DOCK1: variants seen among roughly 807,000 people sequenced by gnomAD.
The protein encoded by DOCK1 is dedicator of cytokinesis protein 1.
In DOCK1, 138 loss-of-function variants were observed where a neutral mutation model predicts 262.7. The ratio of observed to expected loss-of-function variants is 0.53; its 90% CI spans 0.46 to 0.61. DOCK1 has a LOEUF of 0.61. DOCK1 is among the 20% of genes least tolerant of loss of function. The pLI is 0.00. For synonymous variants in DOCK1, 866 were observed against 867.4 expected (o/e 1.00, Z 0.03); for missense variants, 1,908 against 2,370.7 (o/e 0.80, Z 4.05).
intron 1 of DOCK1, among the ~76,000 whole-genome samples, chr10:126,944,870 T>C (rs1224875801): frequency 6.6e-6 from 1 of 152,040 alleles, no homozygotes; most frequent in South Asian, 2.1e-4. Flanking sequence ...ACTGATCCTC[T>C]CTCTGTCACC....
intron 27 of DOCK1, among the ~76,000 whole-genome samples, chr10:127,191,674 CT>C (rs2056767113): frequency 1.3e-5 from 2 of 152,138 alleles, no homozygotes; most frequent in African/African-American, 4.8e-5. Flanking sequence ...GTGGAATGAC[CT>C]AGAAACACAA....
chr10:127,291,486 T>C (rs2061343043), intron 29 of DOCK1, among the ~76,000 whole-genome samples: 2 of 152,196 alleles, frequency 1.3e-5, no homozygotes, highest in South Asian at 2.1e-4. Context: ...GTTCTGTCCC[T>C]GGTGGCCAGT....
chr10:126,926,205 G>A (rs1428094851), intron 1 of DOCK1, among the ~76,000 whole-genome samples: 1 of 151,916 alleles, frequency 6.6e-6, no homozygotes, highest in East Asian at 1.9e-4. Context: ...AAATTGATCC[G>A]GTGACAGAGC....
intron 45 of DOCK1, 27 bp downstream of exon 45, chr10:127,418,568 G>A (rs201806905): frequency 3.1e-6 from 5 of 1,603,324 alleles, no homozygotes; most frequent in East Asian, 4.5e-5. Context: ...CTTGCTCTGG[G>A]CAAGCAGTCC....
At chr10:127,302,178 C>T (rs1213431427) in intron 29 of DOCK1, among the ~76,000 whole-genome samples, 1 of 151,962 alleles carries the variant, frequency 6.6e-6, no homozygotes, top group African/African-American at 2.4e-5. Context: ...AAATTCAAGT[C>T]AGGTTTGGCC....
intron 1 of DOCK1, among the ~76,000 whole-genome samples, chr10:126,945,247 T>C (rs886257082): frequency 6.6e-6 from 1 of 152,004 alleles, no homozygotes; most frequent in Admixed American, 6.6e-5. Context: ...TTCAGGGTCT[T>C]ACTGGAGGAG....
chr10:127,144,253 A>G (rs887160264), intron 27 of DOCK1, among the ~76,000 whole-genome samples: 1 of 152,016 alleles, frequency 6.6e-6, no homozygotes, highest in African/African-American at 2.4e-5. Flanking sequence ...CCTAGGTCAC[A>G]CGTCACTCCT....
chr10:127,027,384 C>T (rs911760051), intron 16 of DOCK1, among the ~76,000 whole-genome samples: 17 of 152,098 alleles, frequency 1.1e-4, no homozygotes, highest in East Asian at 7.7e-4. Flanking sequence ...GCTTGAGCCC[C>T]GGAGTTTGAG....
At chr10:127,399,152 G>A (rs931132429) in intron 38 of DOCK1, among the ~76,000 whole-genome samples, 3 of 152,186 alleles carry the variant, frequency 2.0e-5, no homozygotes, top group Admixed American at 1.3e-4. Flanking sequence ...TTTCAAGAAT[G>A]CCGTAAATTG....
intron 10 of DOCK1, among the ~76,000 whole-genome samples, chr10:127,005,770 G>A (rs908309786): frequency 1.3e-5 from 2 of 152,138 alleles, no homozygotes; most frequent in Admixed American, 6.5e-5. Flanking sequence ...TGTGGCATAT[G>A]ATTTTTAAAT....
At chr10:127,351,313 G>A (rs1235009801) in intron 31 of DOCK1, among the ~76,000 whole-genome samples, 3 of 152,162 alleles carry the variant, frequency 2.0e-5, no homozygotes, top group African/African-American at 7.2e-5. Context: ...ATCCTGGCTC[G>A]GTGGAGTCGG....
chr10:127,390,677 C>T (rs12263845), intron 38 of DOCK1, among the ~76,000 whole-genome samples: 46,323 of 151,940 alleles, frequency 0.3, 7,468 homozygotes, highest in Admixed American at 0.46. Context: ...GCCTCCAGAA[C>T]AGTGAGGAAG....
chr10:127,150,951 T>C (rs1265415214), intron 27 of DOCK1, among the ~76,000 whole-genome samples: 2 of 152,204 alleles, frequency 1.3e-5, no homozygotes, highest in South Asian at 4.1e-4. Flanking sequence ...AAGGCTGCCC[T>C]AACTTGAAAT....
chr10:127,097,930 T>C lies in DOCK1; in HGVS notation c.2446-8301T>C, dbSNP rs141925999. On this transcript the variant is annotated intron_variant, in intron 23 of 51. Coordinates refer to ENST00000623213, the MANE Select transcript of DOCK1 (RefSeq NM_001290223.2). ...TTTCATGGTCCATGGTTCATACCTC[T>C]GGGGTTGGGGAGCATAAGTGGGCCT... Among the ~76,000 whole-genome samples, 228 of 152,348 alleles carry C rather than the reference T, an allele frequency of 1.5e-3. 1 individual carries two copies. The highest frequency in any genetic ancestry group is 5.3e-3 in the African/African-American group (222 of 41,592).
At chr10:127,076,263 A>T (rs1164120911) in intron 23 of DOCK1, among the ~76,000 whole-genome samples, 2 of 152,212 alleles carry the variant, frequency 1.3e-5, no homozygotes, top group Non-Finnish European at 2.9e-5. Context: ...GCACTTTGGG[A>T]GGCCGAGGTG....
rs537429575 is a variant in DOCK1, at chr10:127,009,502, C to T, written c.1058+698C>T. ...GATGGTCGTTGGCCACTTAAGCACT[C>T]CTACTCCTCACAGAGGAGGAGAGAA... On this transcript the variant is annotated intron_variant, in intron 11 of 51. Transcript: ENST00000623213. Among the ~76,000 whole-genome samples, 5 of 152,098 alleles carry T rather than the reference C, an allele frequency of 3.3e-5. No individual in the cohort carries two copies. The East Asian group carries it at 9.7e-4, about 30-fold the overall frequency.
chr10:127,176,337 G>C lies in DOCK1; in HGVS notation c.2847+48573G>C, dbSNP rs755543710. On this transcript the variant is annotated intron_variant, in intron 27 of 51. Transcript: ENST00000623213. The surrounding 1 kb of genome is among the most constrained non-coding windows in gnomAD (Gnocchi z 4.4). ...CATCTCCAGGGCCAGGCAGGCGGCG[G>C]GTTCCACTTCACTCTCCGACGTTGT... is the stretch of plus-strand genomic sequence containing the variant. 6 of 1,613,894 alleles carry C rather than the reference G, an allele frequency of 3.7e-6. No homozygotes were observed. The highest frequency in any genetic ancestry group is 2.2e-5 in the South Asian group (2 of 91,064).
At chr10:127,178,295 C>T (rs575926264) in intron 27 of DOCK1, among the ~76,000 whole-genome samples, 217 of 152,262 alleles carry the variant, frequency 1.4e-3, no homozygotes, top group African/African-American at 4.7e-3. Flanking sequence ...GTAAGAACAA[C>T]AAAAAACAAT....
intron 23 of DOCK1, among the ~76,000 whole-genome samples, chr10:127,099,499 T>C (rs563345627): frequency 2.0e-5 from 3 of 152,248 alleles, no homozygotes; most frequent in African/African-American, 7.2e-5. Context: ...GGAAGCATAG[T>C]GCAGTCATCT....
Sources: allele counts gnomAD v4.1 joint callset (sites outside exome capture counted in the v4.1 genomes callset), GRCh38; gene constraint gnomAD v4.1.1; non-coding constraint Gnocchi (gnomAD v3.1); transcripts MANE v1.5; gene names NCBI Gene and HGNC (gene_info 2026-07-23, HGNC 2026-07-21).